Variants in CDKL2 observed in about 807,000 individuals in gnomAD.
CDKL2 encodes the protein cyclin-dependent kinase-like 2.
In CDKL2, 64 loss-of-function variants were observed where a neutral mutation model predicts 63.9. The ratio of observed to expected loss-of-function variants is 1.00; its 90% confidence interval spans 0.82 to 1.23. The LOEUF (loss-of-function observed/expected upper bound fraction) is 1.23. Among genes scored for constraint, CDKL2 ranks in the 50% most tolerant of loss-of-function variants. CDKL2 has a pLI of 0.00. For synonymous variants in CDKL2, 211 were observed against 229.2 expected (o/e 0.92, Z 0.72); for missense variants, 656 against 668.0 (o/e 0.98, Z 0.20).
chr4:75,608,009 T>C (rs1729500578), intron 3 of CDKL2, among the ~76,000 whole-genome samples: 1 of 151,024 alleles, frequency 6.6e-6, no homozygotes, highest in Non-Finnish European at 1.5e-5. Flanking sequence ...AGACGGCGTT[T>C]CACCGTGTTA....
intron 2 of CDKL2, 98 bp from the exon 3 acceptor site, chr4:75,614,547 T>A (rs1022375296): frequency 1.4e-6 from 1 of 730,646 alleles, no homozygotes; most frequent in Non-Finnish European, 2.2e-6. Flanking sequence ...TTAAAATAGA[T>A]CTCAGCGTAA....
At chr4:75,603,045 T>C (rs1729267522) in intron 6 of CDKL2, among the ~76,000 whole-genome samples, 1 of 137,626 alleles carries the variant, frequency 7.3e-6, no homozygotes, top group Non-Finnish European at 1.5e-5. Context: ...CAGGCCGGAC[T>C]GCGGACTGCA....
chr4:75,604,971 C>A (rs1560583890), intron 5 of CDKL2, among the ~76,000 whole-genome samples: 1 of 151,544 alleles, frequency 6.6e-6, no homozygotes, highest in African/African-American at 2.4e-5. Context: ...TGCACCCCAG[C>A]CTGGTGACAG....
In CDKL2 at chr4:75,598,166, C is replaced by T. The variant is rs531033737; in HGVS notation, c.931G>A (p.Val311Ile). The T allele has an allele frequency of 2.6e-6, 4 of 1,529,228 alleles. No homozygotes were observed. The South Asian group carries it at 4.9e-5, about 19-fold the overall frequency. The allele number at this position is 1,529,228 out of a possible 1,614,324, so 94.7% of individuals were successfully genotyped here. The change falls in exon 8 of 14, where the codon GTT becomes ATT. Residue 311 changes from valine to isoleucine, a missense_variant. Coordinates refer to ENST00000307465, the MANE Select transcript of CDKL2 (RefSeq NM_001330724.2). ...QLKVQKDARN[V>I]SLSKKSQNRK... ...TTTTGGGATTTTTTAGATAAAGAAACATTTCTGGCATCTTTCTGTACTTTT... is the reference window on the plus strand; with the variant it reads ...TTTTGGGATTTTTTAGATAAAGAAATATTTCTGGCATCTTTCTGTACTTTT...
chr4:75,578,167 A>C lies in CDKL2; in HGVS notation c.*1035T>G, dbSNP rs949331568. 1 of 152,208 alleles carries C rather than the reference A, an allele frequency of 6.6e-6. No homozygotes were observed. The highest frequency in any genetic ancestry group is 2.4e-5 in the African/African-American group (1 of 41,454). The allele number at this position is 152,208 out of a possible 1,614,324, so 9.4% of individuals were successfully genotyped here. On this transcript the variant is annotated 3_prime_UTR_variant, in exon 14 of 14. Transcript: ENST00000307465. Reference sequence around the variant, plus strand: ...GCATTGGAAAAGATGTGTGGAATGCAGGTAAATGATTTTGCACCTTGGTGA... The same window carrying C: ...GCATTGGAAAAGATGTGTGGAATGCCGGTAAATGATTTTGCACCTTGGTGA...
intron 2 of CDKL2, among the ~76,000 whole-genome samples, chr4:75,618,835 A>C (rs530862370): frequency 6.6e-6 from 1 of 152,210 alleles, no homozygotes; most frequent in Non-Finnish European, 1.5e-5. Flanking sequence ...GACCCAAAAA[A>C]CTACATCCTC....
At chr4:75,591,418 A>G (rs944886973) in intron 12 of CDKL2, among the ~76,000 whole-genome samples, 10 of 152,174 alleles carry the variant, frequency 6.6e-5, no homozygotes, top group Admixed American at 5.2e-4. Context: ...GCAACATAGC[A>G]AGGCCTCATC....
intron 3 of CDKL2, among the ~76,000 whole-genome samples, chr4:75,608,948 C>T (rs1013752108): frequency 2.0e-5 from 3 of 149,062 alleles, no homozygotes; most frequent in Non-Finnish European, 3.0e-5. Context: ...GAGCCAAGAT[C>T]GCACCACTGT....
At chr4:75,629,125 T>C (rs1730563976) in intron 1 of CDKL2, among the ~76,000 whole-genome samples, 1 of 152,190 alleles carries the variant, frequency 6.6e-6, no homozygotes, top group Non-Finnish European at 1.5e-5. Flanking sequence ...CTTCTTAATT[T>C]TTTTCTCTTC....
At chr4:75,624,905 CATA>C (rs1456039402) in intron 2 of CDKL2, among the ~76,000 whole-genome samples, 3 of 152,010 alleles carry the variant, frequency 2.0e-5, no homozygotes, top group Non-Finnish European at 2.9e-5. Flanking sequence ...AGGGTTATTG[CATA>C]ATAACAAAAG....
intron 2 of CDKL2, among the ~76,000 whole-genome samples, chr4:75,618,357 C>A (rs1414889637): frequency 1.5e-5 from 2 of 131,244 alleles, no homozygotes; most frequent in Non-Finnish European, 3.1e-5. Flanking sequence ...CAGGTTCAAG[C>A]AATTCTCCTG....
chr4:75,626,540 GCCT>G, intron 1 of CDKL2, among the ~76,000 whole-genome samples: 1 of 152,018 alleles, frequency 6.6e-6, no homozygotes, highest in Non-Finnish European at 1.5e-5. Context: ...GGTGGCAGGC[GCCT>G]GTAGTCCCAG....
intron 3 of CDKL2, among the ~76,000 whole-genome samples, chr4:75,612,968 TA>T (rs1389362327): frequency 2.6e-5 from 4 of 152,012 alleles, no homozygotes; most frequent in Non-Finnish European, 5.9e-5. Context: ...ACTAAAAATA[TA>T]AAAAAATTCT....
rs563621393 is a variant in CDKL2, at chr4:75,618,281, C to T, written c.169-3832G>A. Among the ~76,000 whole-genome samples the T allele has an allele frequency of 1.5e-4, 9 of 59,428 alleles. No individual in the cohort carries two copies. In the East Asian group the frequency reaches 4.9e-3, roughly 32 times the overall value. 39.0% of individuals were successfully genotyped at this position (59,428 alleles called of 152,430 possible). A position where few individuals can be genotyped will look rare whatever the true frequency, so the allele number is the denominator to read the frequency against. ...TTTTTTTTTTTTTGAGACGGAGTTT[C>T]GCTCTTGTTGCCCAGGCTGGAGTGC... On this transcript the variant is annotated intron_variant, in intron 2 of 13. Coordinates refer to ENST00000307465, the MANE Select transcript of CDKL2 (RefSeq NM_001330724.2).
chr4:75,608,911 T>C (rs1729549405), intron 3 of CDKL2, among the ~76,000 whole-genome samples: 1 of 151,818 alleles, frequency 6.6e-6, no homozygotes, highest in Non-Finnish European at 1.5e-5. Context: ...GGAGAATTGC[T>C]TGTACCCAGG....
intron 6 of CDKL2, among the ~76,000 whole-genome samples, chr4:75,601,117 C>G (rs1204092199): frequency 6.6e-6 from 1 of 152,012 alleles, no homozygotes; most frequent in Non-Finnish European, 1.5e-5. Context: ...ATATATCGAC[C>G]AATTGCAATC....
Position 75,625,769 on chromosome 4 carries a change from A to G in CDKL2, c.168+52T>C. The G allele has an allele frequency of 7.2e-6, 10 of 1,384,118 alleles. No homozygotes were observed. The South Asian group carries it at 9.0e-5, about 12-fold the overall frequency. 85.7% of individuals were successfully genotyped at this position (1,384,118 alleles called of 1,614,324 possible). A position where few individuals can be genotyped will look rare whatever the true frequency, so the allele number is the denominator to read the frequency against. ...AATCATTGTATTTCTTCTTATTGCC[A>G]AAAAAGAAACTTATACTCATATTTT... On this transcript the variant is annotated intron_variant, in intron 2 of 13. Coordinates refer to ENST00000307465, the MANE Select transcript of CDKL2 (RefSeq NM_001330724.2).
chr4:75,584,438 C>T (rs1009541074), intron 12 of CDKL2, among the ~76,000 whole-genome samples: 1 of 152,162 alleles, frequency 6.6e-6, no homozygotes, highest in African/African-American at 2.4e-5. Context: ...TGGTTTCTCC[C>T]CAATGCCTCC....
chr4:75,605,409 A>T, intron 5 of CDKL2, 113 bp downstream of exon 5: 1 of 642,536 alleles, frequency 1.6e-6, no homozygotes, highest in Non-Finnish European at 2.8e-6. Context: ...CCCTACCTTC[A>T]CTTAAAACAT....
Sources: gnomAD v4.1 joint callset for allele counts (sites outside exome capture counted in the v4.1 genomes callset) on GRCh38, gnomAD v4.1.1 for gene constraint, MANE v1.5 for transcripts, NCBI Gene and HGNC (gene_info 2026-07-23, HGNC 2026-07-21) for gene names.